The following BCL2L13 variants were observed in gnomAD, a reference collection of about 807,000 sequenced individuals.
BCL2L13 encodes the protein BCL2 like 13.
BCL2L13 carries 13 observed loss-of-function variants against 25.8 expected under a neutral mutation model. The observed-to-expected ratio is 0.50, with a 90% confidence interval of 0.33 to 0.80. The LOEUF (loss-of-function observed/expected upper bound fraction) is 0.80, where lower values mean the gene tolerates loss of function less well. Among genes scored for constraint, BCL2L13 ranks in the 30% least tolerant of loss-of-function variants. The pLI, the probability that BCL2L13 is intolerant of heterozygous loss-of-function variation, is 0.02. For missense variants in BCL2L13, 504 were observed against 574.9 expected (o/e 0.88, Z 1.26); for synonymous variants, 244 against 230.3 (o/e 1.06, Z -0.54).
chr22:17,667,397 C>A (rs561141010), intron 2 of BCL2L13, among the ~76,000 whole-genome samples: 2 of 152,168 alleles, frequency 1.3e-5, no homozygotes, highest in Non-Finnish European at 2.9e-5. Flanking sequence ...TCTCGAACTC[C>A]TGACCTCATG....
At chr22:17,674,517 A>T (rs2059516412) in intron 2 of BCL2L13, among the ~76,000 whole-genome samples, 1 of 151,816 alleles carries the variant, frequency 6.6e-6, no homozygotes, top group Admixed American at 6.6e-5. Flanking sequence ...GAGGTGGGAA[A>T]ATCATTTGAA....
intron 6 of BCL2L13, among the ~76,000 whole-genome samples, chr22:17,715,144 ATATATATATATATATATATATATATAT>A (rs1351365242): frequency 0.042 from 241 of 5,796 alleles, 19 homozygotes; most frequent in South Asian, 0.16. Flanking sequence ...ATATATATAT[ATATATATATATATATATATATATATAT>A]TTTTTTTTTT....
chr22:17,681,204 G>A (rs2059743589), intron 2 of BCL2L13, among the ~76,000 whole-genome samples: 1 of 151,976 alleles, frequency 6.6e-6, no homozygotes, highest in Non-Finnish European at 1.5e-5. Flanking sequence ...TCAGGGACGG[G>A]GAAAGAAGGA....
At chr22:17,677,098 T>C (rs566963828) in intron 2 of BCL2L13, among the ~76,000 whole-genome samples, 1 of 152,182 alleles carries the variant, frequency 6.6e-6, no homozygotes, top group Non-Finnish European at 1.5e-5. Context: ...GGCAGGAGGA[T>C]GGCTTGAGCC....
chr22:17,683,317 T>C lies in BCL2L13; in HGVS notation c.225T>C (p.Ser75=), dbSNP rs1436121411. Residue 75 remains serine (S), a synonymous_variant, in exon 3 of 7, where the codon TCT becomes TCC. Coordinates refer to ENST00000317582, the MANE Select transcript of BCL2L13 (RefSeq NM_015367.4). ...EELKSLDKEI[S]EAFTSTGFDR... ...TAAAATCTCTGGACAAAGAAATTTC[T>C]GAAGGTCTGTTTATTCTTATTTTTC... 6.6e-7 allele frequency: 1 copy of C among 1,513,894 alleles called. No homozygotes were observed. The highest frequency in any genetic ancestry group is 1.4e-5 in the African/African-American group (1 of 71,558). 93.8% of individuals were successfully genotyped at this position (1,513,894 alleles called of 1,614,324 possible).
Position 17,694,516 on chromosome 22 carries a change from A to AT in BCL2L13, c.387-1625_387-1624insT, listed in dbSNP as rs1568983732. 2.2e-4 allele frequency among the ~76,000 whole-genome samples: 34 copies of AT among 151,718 alleles called. No individual in the cohort carries two copies. The East Asian group carries it at 2.5e-3, about 11-fold the overall frequency. ...ATAGGTGACTCCATTTAAAAAAAAA[A>AT]ATTTTTTTTTAATTTTTAGTCTTGC... On this transcript the variant is annotated intron_variant, in intron 4 of 6. Transcript: ENST00000317582.
At chr22:17,687,826 T>TTA (rs1338933062) in intron 3 of BCL2L13, among the ~76,000 whole-genome samples, 1 of 149,878 alleles carries the variant, frequency 6.7e-6, no homozygotes, top group East Asian at 2.0e-4. Flanking sequence ...CCCTTTTTTT[T>TTA]TTTTTTTTGA....
At chr22:17,640,992 A>G (rs886252992) in intron 1 of BCL2L13, among the ~76,000 whole-genome samples, 3 of 151,224 alleles carry the variant, frequency 2.0e-5, no homozygotes, top group Non-Finnish European at 2.9e-5. Context: ...CTGAGTTCAC[A>G]CCATTCTCCT....
intron 2 of BCL2L13, among the ~76,000 whole-genome samples, chr22:17,682,144 G>A (rs536554020): frequency 6.6e-6 from 1 of 152,212 alleles, no homozygotes; most frequent in South Asian, 2.1e-4. Flanking sequence ...CTTAGTACTT[G>A]CAAAGATATA....
At chr22:17,714,249 C>T (rs559426158) in intron 6 of BCL2L13, among the ~76,000 whole-genome samples, 163 of 151,440 alleles carry the variant, frequency 1.1e-3, no homozygotes, top group African/African-American at 2.6e-3. Flanking sequence ...GCAGAGATTG[C>T]GCCACTGCAC....
Position 17,729,849 on chromosome 22 carries a change from C to T in BCL2L13, c.*2315C>T, listed in dbSNP as rs999185584. ...TGAGTTAACAGGATGTGGCAGCATCCCTGTTCTTCCTTCACGTCCTCACCC... is the reference window on the plus strand; with the variant it reads ...TGAGTTAACAGGATGTGGCAGCATCTCTGTTCTTCCTTCACGTCCTCACCC... On this transcript the variant is annotated 3_prime_UTR_variant, in exon 7 of 7. Transcript: ENST00000317582. 3.9e-5 allele frequency: 6 copies of T among 152,218 alleles called. No homozygotes were observed. The highest frequency in any genetic ancestry group is 7.3e-5 in the Non-Finnish European group (5 of 68,062). The allele number at this position is 152,218 out of a possible 1,614,324, so 9.4% of individuals were successfully genotyped here. A position where few individuals can be genotyped will look rare whatever the true frequency, so the allele number is the denominator to read the frequency against.
In BCL2L13 at chr22:17,713,282, G is replaced by C. The variant is rs140646846; in HGVS notation, c.600+10896G>C. ...AATTGATTAGATGCTGATTCTGTAC[G>C]TACTAGTTAAACACACCCTAAACAT... On this transcript the variant is annotated intron_variant, in intron 6 of 6. Transcript: ENST00000317582. Among the ~76,000 whole-genome samples the C allele has an allele frequency of 3.0e-3, 463 of 152,080 alleles. 5 individuals carry two copies. The highest frequency in any genetic ancestry group is 0.01 in the African/African-American group (428 of 41,480).
chr22:17,636,822 TAAATAAAGG>T (rs1292015694), upstream of BCL2L13, among the ~76,000 whole-genome samples: 1 of 151,604 alleles, frequency 6.6e-6, no homozygotes, highest in African/African-American at 2.4e-5. Context: ...AATAAATAAA[TAAATAAAGG>T]AAAAGACTGA....
chr22:17,719,408 A>G (rs2061039080), intron 6 of BCL2L13, among the ~76,000 whole-genome samples: 1 of 152,142 alleles, frequency 6.6e-6, no homozygotes, highest in Admixed American at 6.6e-5. Flanking sequence ...ATGATCTGGC[A>G]GTTTTACTCC....
chr22:17,667,700 A>G (rs933303004), intron 2 of BCL2L13, among the ~76,000 whole-genome samples: 1 of 140,004 alleles, frequency 7.1e-6, no homozygotes, highest in Admixed American at 7.3e-5. Context: ...GTAGAGACGG[A>G]GTTTTACCAT....
At chr22:17,649,728 CCT>C in intron 1 of BCL2L13, among the ~76,000 whole-genome samples, 1 of 151,858 alleles carries the variant, frequency 6.6e-6, no homozygotes, top group African/African-American at 2.4e-5. Flanking sequence ...GTCTTAAACT[CCT>C]GACCTTAGGT....
chr22:17,642,699 T>C (rs2058336979), intron 1 of BCL2L13, among the ~76,000 whole-genome samples: 1 of 151,988 alleles, frequency 6.6e-6, no homozygotes, highest in African/African-American at 2.4e-5. Context: ...GTTTAAGCGA[T>C]TCTCCTGCCT....
At chr22:17,712,680 AAGAT>A (rs2060796744) in intron 6 of BCL2L13, among the ~76,000 whole-genome samples, 1 of 152,226 alleles carries the variant, frequency 6.6e-6, no homozygotes, top group African/African-American at 2.4e-5. Context: ...TTCTGGCAAA[AAGAT>A]AGGTAAATAC....
chr22:17,631,696 ATATATATATATTTTTTTTTTTTTTT>A (rs1568903881), intron 1 of BCL2L13, among the ~76,000 whole-genome samples: 16 of 33,220 alleles, frequency 4.8e-4, no homozygotes, highest in South Asian at 2.1e-3. Flanking sequence ...ATATATATAT[ATATATATATATTTTTTTTTTTTTTT>A]TTTTTTTTTT....
Sources: allele counts gnomAD v4.1 joint callset (sites outside exome capture counted in the v4.1 genomes callset), GRCh38; gene constraint gnomAD v4.1.1; transcripts MANE v1.5; gene names NCBI Gene and HGNC (gene_info 2026-07-23, HGNC 2026-07-21).